The following TEX15 variants were observed in gnomAD, a reference collection of about 807,000 sequenced individuals.
TEX15 encodes the protein testis-expressed protein 15.
In TEX15, 171 loss-of-function variants were observed where a neutral mutation model predicts 237.3. The ratio of observed to expected loss-of-function variants is 0.72; its 90% CI spans 0.64 to 0.82. TEX15 has a LOEUF of 0.82. Among genes scored for constraint, TEX15 ranks in the 40% least tolerant of loss-of-function variants. TEX15 has a pLI of 0.00. For synonymous variants in TEX15, 1,338 were observed against 1,269.8 expected (o/e 1.05, Z -1.14); for missense variants, 3,750 against 3,646.5 (o/e 1.03, Z -0.73).
chr8:30,860,979 G>T (rs896568049), intron 5 of TEX15, among the ~76,000 whole-genome samples: 2 of 151,560 alleles, frequency 1.3e-5, no homozygotes, highest in African/African-American at 4.9e-5. Flanking sequence ...CAAGTGACTT[G>T]CAATTACACA....
chr8:30,849,161 T>A lies in TEX15; in HGVS notation c.1006A>T (p.Ile336Phe). The change falls in exon 8 of 11, where the codon ATC becomes TTC. Residue 336 changes from isoleucine (I) to phenylalanine (F), a missense_variant. Ile to Phe is a conservative substitution (Grantham distance 21, BLOSUM62 0). Transcript: ENST00000643185. ...CCATAGGAGTTAGAAATATTTGAGA[T>A]GAAAGGATTTATCTCTGAATTTAGT... ...NALNSEINPF[I>F]SNISNSYGNV... 1 of 1,552,510 alleles carries A rather than the reference T, an allele frequency of 6.4e-7. No individual in the cohort carries two copies. Among genetic ancestry groups the A allele is most frequent in the Non-Finnish European group, 8.7e-7 (1 of 1,151,504 alleles).
intron 5 of TEX15, among the ~76,000 whole-genome samples, chr8:30,864,514 G>GA (rs1289404958): frequency 1.4e-5 from 2 of 143,236 alleles, no homozygotes; most frequent in Non-Finnish European, 3.0e-5. Flanking sequence ...TGTCCTCAGG[G>GA]AAAAAAAGAA....
Position 30,858,798 on chromosome 8 carries a change from C to T in TEX15, c.720G>A (p.Lys240=). Residue 240 remains lysine (K), a synonymous_variant, in exon 7 of 11, where the codon AAG becomes AAA. Transcript: ENST00000643185. ...VYFYEYSVLS[K]PVDKPRQCLP... ...GACATTGCCTAGGTTTATCTACAGG[C>T]TTTGAAAGGACACTGTATTCATAGA... is the stretch of plus-strand genomic sequence containing the variant. 6.5e-7 allele frequency: 1 copy of T among 1,534,936 alleles called. No homozygotes were observed. Among genetic ancestry groups the T allele is most frequent in the East Asian group, 2.4e-5 (1 of 40,840 alleles).
rs778782072 is a variant in TEX15, at chr8:30,845,705, A to G, written c.4462T>C (p.Ser1488Pro). 8 of 1,613,610 alleles carry G rather than the reference A, an allele frequency of 5.0e-6. No homozygotes were observed. The South Asian group carries it at 7.7e-5, about 16-fold the overall frequency. The change falls in exon 8 of 11, where the codon TCT (serine) becomes CCT (proline). Residue 1488 changes from serine (S) to proline (P), a missense_variant. Ser to Pro is a moderately conservative substitution (Grantham distance 74). Transcript: ENST00000643185. ...YKTSGEKKCL[S>P]RKSMASSVSK... is the part of the protein sequence containing the mutation. The stretch of plus-strand genomic sequence containing the variant: ...ACACTGCTAGCCATACTTTTCCTAG[A>G]AAGGCATTTTTTCTCTCCACTTGTT...
At position 30,897,902 on chromosome 8, in the gene TEX15, A is replaced by C. The variant is rs571219944; in HGVS notation, c.-10+840T>G. 6.3e-4 allele frequency among the ~76,000 whole-genome samples: 96 copies of C among 152,224 alleles called. 1 individual carries two copies. Among genetic ancestry groups the C allele is most frequent in the African/African-American group, 2.1e-3 (87 of 41,546 alleles). ...TGGTCTCAAACTCCTCACCTCAAGC[A>C]ATCCTCCTGCCTCTGCCTCTCAAGT... On this transcript the variant is annotated intron_variant, in intron 2 of 10. Coordinates refer to ENST00000643185, the MANE Select transcript of TEX15 (RefSeq NM_001350162.2).
chr8:30,894,600 T>C (rs1406970025), intron 2 of TEX15, among the ~76,000 whole-genome samples: 1 of 152,156 alleles, frequency 6.6e-6, no homozygotes, highest in Non-Finnish European at 1.5e-5. Context: ...CCAAGACCAT[T>C]CAGTGGGAGA....
chr8:30,912,358 G>A (rs1199395515), intron 1 of TEX15, among the ~76,000 whole-genome samples: 2 of 75,582 alleles, frequency 2.6e-5, no homozygotes, highest in Non-Finnish European at 5.7e-5. Flanking sequence ...CGCCCCCGCG[G>A]ATATCCCCAC....
chr8:30,848,341 A>G lies in TEX15; in HGVS notation c.1826T>C (p.Val609Ala). Residue 609 changes from valine (V) to alanine (A), a missense_variant, in exon 8 of 11, where the codon GTA (valine) becomes GCA (alanine). Coordinates refer to ENST00000643185, the MANE Select transcript of TEX15 (RefSeq NM_001350162.2). The part of the protein sequence containing the change: ...TSTVFPLKKK[V>A]SIDEYLQNTG... ...ATTTTGAAGGTATTCATCAATGCTTACTTTCTTTTTGAGTGGAAAAACTGT... is the reference window on the plus strand; with the variant it reads ...ATTTTGAAGGTATTCATCAATGCTTGCTTTCTTTTTGAGTGGAAAAACTGT... The G allele has an allele frequency of 6.2e-7, 1 of 1,614,098 alleles. No homozygotes were observed. Among genetic ancestry groups the G allele is most frequent in the African/African-American group, 1.3e-5 (1 of 75,052 alleles).
chr8:30,876,340 A>C (rs1808399941), intron 3 of TEX15, among the ~76,000 whole-genome samples: 1 of 152,150 alleles, frequency 6.6e-6, no homozygotes, highest in Non-Finnish European at 1.5e-5. Flanking sequence ...CACCTTTTGA[A>C]ATGTTTGAGT....
Position 30,845,992 on chromosome 8 carries a change from C to T in TEX15, c.4175G>A (p.Arg1392Lys), listed in dbSNP as rs1807594891. 5.0e-6 allele frequency: 8 copies of T among 1,613,054 alleles called. No homozygotes were observed. Among genetic ancestry groups the T allele is most frequent in the Non-Finnish European group, 6.8e-6 (8 of 1,179,528 alleles). Reference sequence around the variant, plus strand: ...AAGCTGCAAAGATGTGTGAACTCTTCTATGAGCTTTTTTTAAGTGAACAAC... The same window carrying T: ...AAGCTGCAAAGATGTGTGAACTCTTTTATGAGCTTTTTTTAAGTGAACAAC... ...KAVVHLKKAH[R>K]RVHTSLQLIT... The change falls in exon 8 of 11, where the codon AGA becomes AAA. Residue 1392 changes from arginine to lysine, a missense_variant. Transcript: ENST00000643185.
At chr8:30,899,195 A>C (rs1372474898) in intron 1 of TEX15, among the ~76,000 whole-genome samples, 1 of 152,186 alleles carries the variant, frequency 6.6e-6, no homozygotes, top group African/African-American at 2.4e-5. Flanking sequence ...TACATACAGC[A>C]CAAAACATTG....
Position 30,887,178 on chromosome 8 carries a change from GTCC to G in TEX15, c.122_124del (p.Arg41del). 1.3e-6 allele frequency: 2 copies of G among 1,532,380 alleles called. No individual in the cohort carries two copies. Among genetic ancestry groups the G allele is most frequent in the Non-Finnish European group, 1.7e-6 (2 of 1,145,806 alleles). The allele number at this position is 1,532,380 out of a possible 1,614,324, so 94.9% of individuals were successfully genotyped here. On this transcript the variant is annotated inframe_deletion, in exon 3 of 11. Transcript: ENST00000643185. ...CACAGAAATATTACCTTTCTCAGCTGTCCTCCTGATCTTAGGAATGGTGAATTT... is the reference window on the plus strand; with the variant it reads ...CACAGAAATATTACCTTTCTCAGCTGTCCTGATCTTAGGAATGGTGAATTT...
chr8:30,839,872 T>A (rs1023903050), intron 9 of TEX15, 34 bp downstream of exon 9: 22 of 1,526,046 alleles, frequency 1.4e-5, no homozygotes, highest in African/African-American at 7.0e-5. Flanking sequence ...TTTGTTCAAT[T>A]TTTTTTCCAC....
intron 10 of TEX15, 72 bp from the exon 11 acceptor site, chr8:30,833,395 G>T: frequency 1.7e-6 from 2 of 1,186,338 alleles, no homozygotes; most frequent in Non-Finnish European, 1.2e-6. Context: ...ATAGTGGAAA[G>T]AACCTGAGTT....
Position 30,848,108 on chromosome 8 carries a change from C to G in TEX15, c.2059G>C (p.Glu687Gln), listed in dbSNP as rs1563243532. 6.2e-7 allele frequency: 1 copy of G among 1,609,750 alleles called. No homozygotes were observed. The highest frequency in any genetic ancestry group is 8.5e-7 in the Non-Finnish European group (1 of 1,178,004). The stretch of plus-strand genomic sequence containing the variant: ...GTAGAAGATTTTGTTATTTCTAACT[C>G]TTGAGTAATTAATATTTTATCACAG... The part of the protein sequence containing the change: ...KSCDKILITQ[E>Q]LEITKSSTST... The change falls in exon 8 of 11, where the codon GAG becomes CAG. Residue 687 changes from glutamate to glutamine, a missense_variant. Glu to Gln is a conservative substitution (Grantham distance 29). Transcript: ENST00000643185.
At chr8:30,862,220 A>C (rs754581713) in intron 5 of TEX15, among the ~76,000 whole-genome samples, 5 of 152,206 alleles carry the variant, frequency 3.3e-5, no homozygotes, top group Middle Eastern at 3.2e-3. Context: ...CTAAAAGGAT[A>C]ATCTACATAG....
In TEX15 at chr8:30,844,498, A is replaced by G. The variant is rs1807544946; in HGVS notation, c.5669T>C (p.Ile1890Thr). Reference protein sequence around the residue: ...SEESCLNEKIITTNLIDSHLS... With the variant: ...SEESCLNEKITTTNLIDSHLS... ...ATGGGAATCAATCAAGTTAGTTGTAATAATTTTCTCATTTAAGCAGGATTC... is the reference window on the plus strand; with the variant it reads ...ATGGGAATCAATCAAGTTAGTTGTAGTAATTTTCTCATTTAAGCAGGATTC... The change falls in exon 8 of 11, where the codon ATT (isoleucine) becomes ACT (threonine). Residue 1890 changes from isoleucine (I) to threonine (T), a missense_variant. Physicochemically the swap from Ile to Thr is moderately conservative, Grantham distance 89 (BLOSUM62 -1). Coordinates refer to ENST00000643185, the MANE Select transcript of TEX15 (RefSeq NM_001350162.2). 2 of 1,613,050 alleles carry G rather than the reference A, an allele frequency of 1.2e-6. No individual in the cohort carries two copies. The highest frequency in any genetic ancestry group is 1.7e-5 in the Admixed American group (1 of 59,964).
intron 10 of TEX15, among the ~76,000 whole-genome samples, chr8:30,834,526 C>G (rs1402797013): frequency 6.6e-6 from 1 of 152,100 alleles, no homozygotes; most frequent in African/African-American, 2.4e-5. Flanking sequence ...AATTTCTAGC[C>G]CTGTGTAAAG....
At chr8:30,857,526 G>A (rs1807937672) in intron 7 of TEX15, among the ~76,000 whole-genome samples, 2 of 152,176 alleles carry the variant, frequency 1.3e-5, no homozygotes, top group South Asian at 4.2e-4. Context: ...TGACCCAAGA[G>A]CCAATATCCA....
Sources: allele counts gnomAD v4.1 joint callset (sites outside exome capture counted in the v4.1 genomes callset), GRCh38; gene constraint gnomAD v4.1.1; transcripts MANE v1.5; gene names NCBI Gene and HGNC (gene_info 2026-07-23, HGNC 2026-07-21).